Variants in WDR7 observed in about 807,000 individuals in gnomAD.
The protein encoded by WDR7 is WD repeat-containing protein 7.
WDR7 carries 46 observed loss-of-function variants against 169.4 expected under a neutral mutation model. That is an observed-to-expected ratio of 0.27 (90% CI 0.21 to 0.35). The LOEUF (loss-of-function observed/expected upper bound fraction) is 0.35, where lower values mean the gene tolerates loss of function less well. WDR7 is among the 10% of genes least tolerant of loss of function. WDR7 has a pLI of 1.00. For synonymous variants in WDR7, 612 were observed against 666.8 expected (o/e 0.92, Z 1.27); for missense variants, 1,534 against 1,859.3 (o/e 0.83, Z 3.22).
intron 12 of WDR7, among the ~76,000 whole-genome samples, chr18:56,709,881 A>T (rs1186882923): frequency 6.6e-6 from 1 of 151,886 alleles, no homozygotes; most frequent in African/African-American, 2.4e-5. Flanking sequence ...TATAGTTTTC[A>T]TTCCACCTTG....
chr18:56,870,037 G>T (rs578141717), intron 20 of WDR7, among the ~76,000 whole-genome samples: 1 of 152,208 alleles, frequency 6.6e-6, no homozygotes, highest in East Asian at 1.9e-4. Flanking sequence ...TCCCAAGCTG[G>T]ATTATCACCA....
intron 19 of WDR7, among the ~76,000 whole-genome samples, chr18:56,813,636 T>C (rs1313279120): frequency 6.6e-6 from 1 of 152,174 alleles, no homozygotes; most frequent in African/African-American, 2.4e-5. Context: ...GGTCATGGTA[T>C]ATAATTCTTT....
rs574580032 is a variant in WDR7 at position 56,975,230 on chromosome 18, C to T, written c.4164+12701C>T. ...CAGCCTAGGCGACAGAGCAAGACTC[C>T]GTCTCGGGGGTAGTGGGGCAAAGGG... On this transcript the variant is annotated intron_variant, in intron 26 of 27. Transcript: ENST00000254442. Among the ~76,000 whole-genome samples the T allele has an allele frequency of 7.2e-5, 11 of 151,920 alleles. No homozygotes were observed. In the East Asian group the frequency reaches 7.8e-4, roughly 11 times the overall value.
intron 21 of WDR7, among the ~76,000 whole-genome samples, chr18:56,901,205 G>T (rs1353902495): frequency 6.6e-6 from 1 of 152,180 alleles, no homozygotes; most frequent in Non-Finnish European, 1.5e-5. Context: ...TTTAACACCA[G>T]TGTGGGCATA....
chr18:56,828,430 G>C (rs956005914), intron 20 of WDR7, among the ~76,000 whole-genome samples: 11 of 152,274 alleles, frequency 7.2e-5, no homozygotes, highest in African/African-American at 2.4e-4. Context: ...GTAAAAAGGA[G>C]AGATAATGGA....
chr18:56,989,013 A>C (rs1302766779), intron 26 of WDR7, among the ~76,000 whole-genome samples: 1 of 151,136 alleles, frequency 6.6e-6, no homozygotes, highest in Non-Finnish European at 1.5e-5. Flanking sequence ...TTTTGGTTTG[A>C]CTCTTAAAGG....
At chr18:56,995,303 A>G (rs528750719) in intron 26 of WDR7, among the ~76,000 whole-genome samples, 19 of 152,332 alleles carry the variant, frequency 1.2e-4, no homozygotes, top group Admixed American at 7.8e-4. Flanking sequence ...ATTCCCTGAT[A>G]TTCCATGGCA....
intron 26 of WDR7, among the ~76,000 whole-genome samples, chr18:57,018,072 G>A (rs1012063309): frequency 1.3e-5 from 2 of 152,196 alleles, no homozygotes; most frequent in Admixed American, 1.3e-4. Flanking sequence ...AACATGCTTT[G>A]GACCTGGTGG....
intron 26 of WDR7, among the ~76,000 whole-genome samples, chr18:56,976,318 G>T (rs9949318): frequency 0.043 from 6,577 of 152,250 alleles, 427 homozygotes; most frequent in African/African-American, 0.14. Flanking sequence ...TGAGAAAAAG[G>T]ATGTGCTACA....
At chr18:56,781,868 A>T (rs565750723) in intron 19 of WDR7, 1 of 412,400 alleles carries the variant, frequency 2.4e-6, no homozygotes, top group Admixed American at 4.6e-5. Context: ...TGTCTATATC[A>T]AAATATTCAT....
intron 26 of WDR7, among the ~76,000 whole-genome samples, chr18:56,970,602 T>A (rs1030614332): frequency 6.6e-6 from 1 of 152,162 alleles, no homozygotes; most frequent in Non-Finnish European, 1.5e-5. Flanking sequence ...CACGCATGCA[T>A]AGCCTCACCC....
chr18:56,694,634 C>A lies in WDR7; in HGVS notation c.982C>A (p.Pro328Thr). ...TTTTTGGCAGTTGCTAATTTGTCCTCCTGTTACTCGGTTCTTCTATGGATG... is the reference window on the plus strand; with the variant it reads ...TTTTTGGCAGTTGCTAATTTGTCCTACTGTTACTCGGTTCTTCTATGGATG... ...RKDKELLICP[P>T]VTRFFYGCRE... Residue 328 changes from proline (P) to threonine (T), a missense_variant, in exon 10 of 28, where the codon CCT becomes ACT. Transcript: ENST00000254442. 1 of 1,609,414 alleles carries A rather than the reference C, an allele frequency of 6.2e-7. No homozygotes were observed. The highest frequency in any genetic ancestry group is 8.5e-7 in the Non-Finnish European group (1 of 1,177,954).
intron 26 of WDR7, among the ~76,000 whole-genome samples, chr18:56,986,128 TTGTGTGTGTGTGTGTGTGTGTG>T (rs60449836): frequency 2.0e-4 from 27 of 136,346 alleles, no homozygotes; most frequent in East Asian, 1.1e-3. Context: ...TTCAGCTTCT[TTGTGTGTGTGTGTGTGTGTGTG>T]TGTGTGTGTG....
rs1406624809 is a variant in WDR7, at chr18:56,871,440, T to A, written c.3305-8504T>A. On this transcript the variant is annotated intron_variant, in intron 20 of 27. Coordinates refer to ENST00000254442, the MANE Select transcript of WDR7 (RefSeq NM_015285.3). ...TGTTTTTCTAGTCATTTATGTAAAG[T>A]CTTACAAAGTCACGGTTATTTTTAA... Among the ~76,000 whole-genome samples the A allele has an allele frequency of 2.0e-5, 3 of 152,152 alleles. No homozygotes were observed. The East Asian group carries it at 5.8e-4, about 29-fold the overall frequency.
chr18:56,902,523 T>G (rs1417167314), intron 21 of WDR7, among the ~76,000 whole-genome samples: 2 of 152,146 alleles, frequency 1.3e-5, no homozygotes, highest in Non-Finnish European at 2.9e-5. Flanking sequence ...AGATGGAAAC[T>G]CTGTGATTTT....
At chr18:56,898,739 A>G (rs186443602) in intron 21 of WDR7, among the ~76,000 whole-genome samples, 126 of 152,218 alleles carry the variant, frequency 8.3e-4, no homozygotes, top group African/African-American at 2.9e-3. Context: ...GAAGAAGACT[A>G]AAGAGACATG....
At chr18:56,832,782 A>G (rs1404615221) in intron 20 of WDR7, among the ~76,000 whole-genome samples, 1 of 152,202 alleles carries the variant, frequency 6.6e-6, no homozygotes, top group Non-Finnish European at 1.5e-5. Context: ...ACAGAAAGGA[A>G]TAGCATCAAC....
chr18:56,819,903 A>C (rs893502622), intron 20 of WDR7, among the ~76,000 whole-genome samples: 1 of 152,122 alleles, frequency 6.6e-6, no homozygotes, highest in African/African-American at 2.4e-5. Context: ...TGCTATGTAG[A>C]TATATAACTG....
chr18:56,658,587 T>TTTATTTCACATTTAAGC (rs1413054067), intron 1 of WDR7, among the ~76,000 whole-genome samples: 2 of 152,222 alleles, frequency 1.3e-5, no homozygotes, highest in Non-Finnish European at 2.9e-5. Context: ...CACATTCAAG[T>TTTATTTCACATTTAAGC]TTATTTCACA....
Sources: gnomAD v4.1 joint callset for allele counts (sites outside exome capture counted in the v4.1 genomes callset) on GRCh38, gnomAD v4.1.1 for gene constraint, MANE v1.5 for transcripts, NCBI Gene and HGNC (gene_info 2026-07-23, HGNC 2026-07-21) for gene names.